Variants in CEP131 observed in about 807,000 individuals in gnomAD.
The protein encoded by CEP131 is centrosomal protein 131.
In CEP131, 99 loss-of-function variants were observed where a neutral mutation model predicts 136.8. The observed-to-expected ratio is 0.72, with a 90% confidence interval of 0.62 to 0.86. The LOEUF is 0.86. CEP131 is among the 40% of genes least tolerant of loss of function. The probability of loss-of-function intolerance (pLI) is 0.00; values close to 1 mark genes in which losing one functional copy is unlikely to be tolerated. For synonymous variants in CEP131, 646 were observed against 612.7 expected, an observed-to-expected ratio of 1.05 and a Z score of -0.80; for missense variants, 1,459 against 1,463.0, an observed-to-expected ratio of 1.00 and a Z score of 0.04.
rs532196677 is a variant in CEP131 at position 81,207,178 on chromosome 17, G to C, written c.334C>G (p.Pro112Ala). The part of the protein sequence containing the change: ...FEGSPSGKKR[P>A]ASLSTAPSEK... The stretch of plus-strand genomic sequence containing the variant: ...CTGGGGGCTGTGCTCAGGCTGGCAG[G>C]CCTCTTTTTCCCACTGGGGCTGCCC... Residue 112 changes from proline to alanine, a missense_variant, in exon 4 of 26, where the codon CCT becomes GCT. Transcript: ENST00000450824. 1.2e-5 allele frequency: 19 copies of C among 1,613,676 alleles called. No homozygotes were observed. The East Asian group carries it at 2.5e-4, about 21-fold the overall frequency.
Position 81,191,185 on chromosome 17 carries a change from G to T in CEP131, c.2765+8C>A. The T allele has an allele frequency of 6.2e-7, 1 of 1,610,108 alleles. No homozygotes were observed. The highest frequency in any genetic ancestry group is 8.5e-7 in the Non-Finnish European group (1 of 1,178,176). ...CCAGCTGGTGACCCAGCCATGGCGG[G>T]TCCTTACCGGCTCTCGGCAGCCTTC... On this transcript the variant is annotated splice_region_variant and intron_variant, in intron 22 of 25. Transcript: ENST00000450824.
intron 1 of CEP131, 77 bp from the exon 2 acceptor site, chr17:81,220,150 G>A (rs2062354957): frequency 1.1e-5 from 14 of 1,252,612 alleles, no homozygotes; most frequent in African/African-American, 1.5e-5. Context: ...CTCCAGCCCA[G>A]CCTCAGCTGG....
chr17:81,218,318 C>G (rs1287931003), intron 2 of CEP131, among the ~76,000 whole-genome samples: 1 of 152,230 alleles, frequency 6.6e-6, no homozygotes, highest in African/African-American at 2.4e-5. Context: ...GCTGGGATCA[C>G]GGGCGTGAGC....
At position 81,219,776 on chromosome 17, in the gene CEP131, T is replaced by G. The variant is rs975303225; in HGVS notation, c.177+104A>C. On this transcript the variant is annotated intron_variant, in intron 2 of 25. Transcript: ENST00000450824. The surrounding 1 kb of genome is among the most constrained non-coding windows in gnomAD (Gnocchi z 4.0). ...CACGAGGATCCAGCATGTCCAGATG[T>G]GAGGCACTTGTTCACCTGTGGAGCT... is the stretch of plus-strand genomic sequence containing the variant. The G allele has an allele frequency of 1.6e-6, 2 of 1,252,136 alleles. No individual in the cohort carries two copies. Among genetic ancestry groups the G allele is most frequent in the African/African-American group, 3.1e-5 (2 of 64,100 alleles). 77.6% of individuals were successfully genotyped at this position (1,252,136 alleles called of 1,614,324 possible). A position where few individuals can be genotyped will look rare whatever the true frequency, so the allele number is the denominator to read the frequency against.
intron 21 of CEP131, 159 bp from the exon 22 acceptor site, chr17:81,191,494 G>A: frequency 1.5e-6 from 1 of 669,916 alleles, no homozygotes; most frequent in South Asian, 1.8e-5. Context: ...GCTACGTCCT[G>A]TTGTCAGGAC....
Position 81,206,733 on chromosome 17 carries a change from A to C in CEP131, c.515+11T>G. On this transcript the variant is annotated intron_variant, in intron 5 of 25. Coordinates refer to ENST00000450824, the MANE Select transcript of CEP131 (RefSeq NM_014984.4). ...ACTGGTGCCCGTCGTGGGCACCTGC[A>C]CAGGTCGTACCTGTTGTTAGCAGTG... 8 of 1,608,652 alleles carry C rather than the reference A, an allele frequency of 5.0e-6. No individual in the cohort carries two copies. The highest frequency in any genetic ancestry group is 6.8e-6 in the Non-Finnish European group (8 of 1,177,638).
intron 11 of CEP131, 56 bp from the exon 12 acceptor site, chr17:81,198,353 C>G (rs2061814992): frequency 2.7e-6 from 4 of 1,494,828 alleles, no homozygotes; most frequent in Admixed American, 2.2e-5. Context: ...GAGAGCAGCC[C>G]CCACATAGGA....
chr17:81,222,322 T>C (rs796193304), intron 1 of CEP131, among the ~76,000 whole-genome samples: 11 of 149,680 alleles, frequency 7.3e-5, no homozygotes, highest in African/African-American at 2.4e-4. Context: ...ACCCTGACCC[T>C]GGACAGAGAG....
At chr17:81,200,211 G>T in intron 8 of CEP131, 118 bp downstream of exon 8, 1 of 801,918 alleles carries the variant, frequency 1.2e-6, no homozygotes, top group Non-Finnish European at 2.0e-6. Context: ...TGCACCCAGA[G>T]ACGGGGCCCA....
Position 81,208,405 on chromosome 17 carries a change from A to G in CEP131, c.272+523T>C, listed in dbSNP as rs1035734813. ...CTCGCCCACCACTCTGGGCTAGAGGATGTCCCCCCGGAGGCTGCTGGCCAC... is the reference window on the plus strand; with the variant it reads ...CTCGCCCACCACTCTGGGCTAGAGGGTGTCCCCCCGGAGGCTGCTGGCCAC... On this transcript the variant is annotated intron_variant, in intron 3 of 25. Coordinates refer to ENST00000450824, the MANE Select transcript of CEP131 (RefSeq NM_014984.4). This position sits in a 1 kb window ranked among gnomAD's most constrained non-coding sequence, Gnocchi z 5.6. 2.0e-5 allele frequency among the ~76,000 whole-genome samples: 3 copies of G among 152,000 alleles called. No individual in the cohort carries two copies. The highest frequency in any genetic ancestry group is 7.3e-5 in the African/African-American group (3 of 41,376).
chr17:81,199,882 A>C (rs1361924119), intron 8 of CEP131, 47 bp from the exon 9 acceptor site: 6 of 1,580,126 alleles, frequency 3.8e-6, no homozygotes, highest in Non-Finnish European at 4.3e-6. Context: ...TGGAAGACGG[A>C]ATCCAGACCC....
chr17:81,191,570 A>AC (rs1239027034), intron 21 of CEP131, among the ~76,000 whole-genome samples: 11 of 152,122 alleles, frequency 7.2e-5, no homozygotes, highest in Admixed American at 1.3e-4. Flanking sequence ...TCCCTCAGAG[A>AC]CCCACAGCCC....
At position 81,207,295 on chromosome 17, in the gene CEP131, G is replaced by C. The variant is rs920593806; in HGVS notation, c.273-56C>G. On this transcript the variant is annotated intron_variant, in intron 3 of 25. Transcript: ENST00000450824. ...AAGAGTCACCAGCCGGGAAGCCGAC[G>C]CTAGGCACACAGACCAGGCAGGTCC... 3.0e-5 allele frequency: 45 copies of C among 1,517,142 alleles called. No homozygotes were observed. In the African/African-American group the frequency reaches 5.2e-4, roughly 18 times the overall value. 94.0% of individuals were successfully genotyped at this position (1,517,142 alleles called of 1,614,324 possible).
rs984500478 is a variant in CEP131 at position 81,222,840 on chromosome 17, G to A, written c.-89C>T. On this transcript the variant is annotated 5_prime_UTR_variant, in exon 1 of 26. Coordinates refer to ENST00000450824, the MANE Select transcript of CEP131 (RefSeq NM_014984.4). ...GCCTGCAGATTCGGCCGGCGGGGAG[G>A]GGATGCGGAACCAGTCGCGCCCAAA... 6.6e-6 allele frequency: 1 copy of A among 152,280 alleles called. No individual in the cohort carries two copies. The highest frequency in any genetic ancestry group is 1.5e-5 in the Non-Finnish European group (1 of 68,076). 9.4% of individuals were successfully genotyped at this position (152,280 alleles called of 1,614,324 possible). A position where few individuals can be genotyped will look rare whatever the true frequency, so the allele number is the denominator to read the frequency against.
chr17:81,217,891 G>A (rs1250654209), intron 2 of CEP131, among the ~76,000 whole-genome samples: 5 of 152,106 alleles, frequency 3.3e-5, no homozygotes, highest in Non-Finnish European at 7.4e-5. Flanking sequence ...TGCCTGGGTC[G>A]GCCGCGGATA....
intron 2 of CEP131, among the ~76,000 whole-genome samples, chr17:81,214,601 T>C (rs889859977): frequency 1.3e-5 from 2 of 151,880 alleles, no homozygotes; most frequent in African/African-American, 4.8e-5. Flanking sequence ...AAAAGTAAAC[T>C]AAAAGGTAGT....
chr17:81,222,665 CCATCACTT>C (rs1185183710), intron 1 of CEP131, 96 bp downstream of exon 1: 1 of 151,842 alleles, frequency 6.6e-6, no homozygotes, highest in Non-Finnish European at 1.5e-5. Context: ...CCCCGGATCC[CCATCACTT>C]CATCACTGGA....
chr17:81,198,319 G>A (rs112770207), intron 11 of CEP131, 22 bp from the exon 12 acceptor site: 5 of 1,569,116 alleles, frequency 3.2e-6, no homozygotes, highest in African/African-American at 1.4e-5. Context: ...CAGGGAGACA[G>A]ATGCAGCAAG....
In CEP131 at chr17:81,199,715, G is replaced by C; in HGVS notation, c.1023+4C>G. 6.2e-7 allele frequency: 1 copy of C among 1,608,098 alleles called. No individual in the cohort carries two copies. Among genetic ancestry groups the C allele is most frequent in the Non-Finnish European group, 8.5e-7 (1 of 1,179,836 alleles). ...CTGCTCAGTGGTCCCTGCGCGGTCAGCACCTGAATGGCTGCTCGCCTGGCT... is the reference window on the plus strand; with the variant it reads ...CTGCTCAGTGGTCCCTGCGCGGTCACCACCTGAATGGCTGCTCGCCTGGCT... On this transcript the variant is annotated splice_donor_region_variant and intron_variant, in intron 9 of 25. Transcript: ENST00000450824.
Sources: gnomAD v4.1 joint callset for allele counts (sites outside exome capture counted in the v4.1 genomes callset) on GRCh38, gnomAD v4.1.1 for gene constraint, Gnocchi (gnomAD v3.1) non-coding constraint, MANE v1.5 for transcripts, NCBI Gene and HGNC (gene_info 2026-07-23, HGNC 2026-07-21) for gene names.